Variants in TANGO2 observed in about 807,000 individuals in gnomAD.
TANGO2 encodes transport and Golgi organization protein 2 homolog.
Under a neutral mutation model 39.1 loss-of-function variants are expected in TANGO2, and 26 were observed. The observed-to-expected ratio is 0.67, with a 90% CI of 0.49 to 0.92. TANGO2 has a LOEUF of 0.92. TANGO2 is among the 40% of genes least tolerant of loss of function. The pLI is 0.00. For synonymous variants in TANGO2, 131 were observed against 144.5 expected (o/e 0.91, Z 0.67); for missense variants, 326 against 360.1 (o/e 0.91, Z 0.77).
At chr22:20,059,976 G>C (rs952358538) in intron 6 of TANGO2, among the ~76,000 whole-genome samples, 2 of 149,080 alleles carry the variant, frequency 1.3e-5, no homozygotes, top group African/African-American at 4.9e-5. Context: ...TTTTTTTTGA[G>C]ACAGGGTCTG....
chr22:20,040,771 G>A (rs2043753926), intron 2 of TANGO2, among the ~76,000 whole-genome samples: 1 of 152,214 alleles, frequency 6.6e-6, no homozygotes, highest in African/African-American at 2.4e-5. Context: ...GCAGAGGTTG[G>A]GGGGCACTTC....
chr22:20,033,811 C>T (rs564616781), intron 1 of TANGO2, among the ~76,000 whole-genome samples: 32 of 152,364 alleles, frequency 2.1e-4, no homozygotes, highest in Admixed American at 4.6e-4. Context: ...GCACTGCATT[C>T]GGGATGGTTC....
At position 20,053,530 on chromosome 22, in the gene TANGO2, A is replaced by G. The variant is rs1406010643; in HGVS notation, c.359A>G (p.Asn120Ser). ...GAGGGCCATCTGTACAATGGCTTCAACCTCATAGCAGCCGACCTGAGGTGG... is the reference window on the plus strand; with the variant it reads ...GAGGGCCATCTGTACAATGGCTTCAGCCTCATAGCAGCCGACCTGAGGTGG... ...SMEGHLYNGF[N>S]LIAADLSTAK... Residue 120 changes from asparagine to serine, a missense_variant, in exon 5 of 9, where the codon AAC (asparagine) becomes AGC (serine). Physicochemically the swap from Asn to Ser is conservative, Grantham distance 46 (BLOSUM62 1). Coordinates refer to ENST00000327374, the MANE Select transcript of TANGO2 (RefSeq NM_152906.7). 4.3e-6 allele frequency: 7 copies of G among 1,613,220 alleles called. No individual in the cohort carries two copies. The highest frequency in any genetic ancestry group is 1.7e-5 in the Admixed American group (1 of 59,996).
In TANGO2 at chr22:20,057,459, C is replaced by G. The variant is rs957301845; in HGVS notation, c.451+1446C>G. ...GCCCCCACGCCTACCAGCTGGTGCC[C>G]TCTCCTCCACCTGGGGCTTATCCTT... On this transcript the variant is annotated intron_variant, in intron 6 of 8. Transcript: ENST00000327374. This position sits in a 1 kb window ranked among gnomAD's most constrained non-coding sequence, Gnocchi z 4.1. Among the ~76,000 whole-genome samples the G allele has an allele frequency of 3.3e-5, 5 of 152,202 alleles. No individual in the cohort carries two copies. Among genetic ancestry groups the G allele is most frequent in the African/African-American group, 1.2e-4 (5 of 41,460 alleles).
rs1311608232 is a variant in TANGO2, at chr22:20,057,139, C to G, written c.451+1126C>G. 2 of 365,828 alleles carry G rather than the reference C, an allele frequency of 5.5e-6. No individual in the cohort carries two copies. The highest frequency in any genetic ancestry group is 1.1e-5 in the Non-Finnish European group (2 of 183,472). 22.7% of individuals were successfully genotyped at this position (365,828 alleles called of 1,614,324 possible). A position where few individuals can be genotyped will look rare whatever the true frequency, so the allele number is the denominator to read the frequency against. On this transcript the variant is annotated intron_variant, in intron 6 of 8. Coordinates refer to ENST00000327374, the MANE Select transcript of TANGO2 (RefSeq NM_152906.7). The surrounding 1 kb of genome is among the most constrained non-coding windows in gnomAD (Gnocchi z 4.1). ...GGTGGAACTGAAGCCCCAGGCGTCC[C>G]TGGAGGGGCCCGAGGGAGATGATAA...
Position 20,052,760 on chromosome 22 carries a change from A to T in TANGO2, c.265+176A>T, listed in dbSNP as rs1317483909. 2.0e-5 allele frequency among the ~76,000 whole-genome samples: 3 copies of T among 152,108 alleles called. No homozygotes were observed. In the East Asian group the frequency reaches 5.8e-4, roughly 29 times the overall value. On this transcript the variant is annotated intron_variant, in intron 4 of 8. Coordinates refer to ENST00000327374, the MANE Select transcript of TANGO2 (RefSeq NM_152906.7). ...GAGTGGGATGGGGCAGGGCTGAGGT[A>T]CCGTGGGGCAGGGCCAGGTTACAGA...
chr22:20,030,712 G>A (rs1007141489), intron 1 of TANGO2, among the ~76,000 whole-genome samples: 8 of 151,930 alleles, frequency 5.3e-5, no homozygotes, highest in African/African-American at 1.9e-4. Flanking sequence ...TGATCCACCC[G>A]CCTTGGCTTC....
intron 1 of TANGO2, among the ~76,000 whole-genome samples, chr22:20,024,893 C>T (rs1213268069): frequency 6.6e-6 from 1 of 152,092 alleles, no homozygotes. Context: ...AGCCCAGCTA[C>T]ACCCCGTCCT....
At chr22:20,031,882 G>A (rs973708978) in intron 1 of TANGO2, among the ~76,000 whole-genome samples, 11 of 152,232 alleles carry the variant, frequency 7.2e-5, no homozygotes, top group Admixed American at 5.9e-4. Flanking sequence ...CTGCCAGGCC[G>A]TGGGTGCAGG....
At chr22:20,036,665 A>G in intron 1 of TANGO2, 95 bp from the exon 2 acceptor site, 2 of 1,058,492 alleles carry the variant, frequency 1.9e-6, no homozygotes, top group Non-Finnish European at 2.9e-6. Flanking sequence ...CAGACACCAC[A>G]GAGGTGGTTC....
chr22:20,061,191 C>A (rs557711561), intron 6 of TANGO2: 5 of 194,694 alleles, frequency 2.6e-5, no homozygotes, highest in Non-Finnish European at 5.2e-5. Context: ...CCCAACCTGG[C>A]GTGAGGTGAA....
Position 20,036,862 on chromosome 22 carries a change from C to G in TANGO2, c.56+8C>G. ...TTCCAAAAACGCGTACAGGTAACCC[C>G]CTCGCTCTGCATCTGCTGCGCCCTG... On this transcript the variant is annotated splice_region_variant and intron_variant, in intron 2 of 8. Transcript: ENST00000327374. The G allele has an allele frequency of 6.2e-7, 1 of 1,614,244 alleles. No individual in the cohort carries two copies. The highest frequency in any genetic ancestry group is 8.5e-7 in the Non-Finnish European group (1 of 1,180,044).
intron 3 of TANGO2, among the ~76,000 whole-genome samples, chr22:20,049,305 A>G (rs979610613): frequency 3.3e-5 from 5 of 152,154 alleles, no homozygotes; most frequent in Non-Finnish European, 5.9e-5. Context: ...TATCCCATTG[A>G]TCTATGTATC....
intron 1 of TANGO2, among the ~76,000 whole-genome samples, chr22:20,036,214 G>A (rs548178580): frequency 6.6e-6 from 1 of 152,268 alleles, no homozygotes; most frequent in South Asian, 2.1e-4. Flanking sequence ...GCGACGTCCG[G>A]GAAAATTGTG....
chr22:20,039,100 ATT>A (rs11361191), intron 2 of TANGO2, among the ~76,000 whole-genome samples: 43 of 144,468 alleles, frequency 3.0e-4, no homozygotes, highest in Admixed American at 4.8e-4. Flanking sequence ...TGCCCGGCTA[ATT>A]TTTTTTTTTT....
rs1424339303 is a variant in TANGO2 at position 20,063,372 on chromosome 22, G to C, written c.640G>C (p.Gly214Arg). 3 of 1,613,526 alleles carry C rather than the reference G, an allele frequency of 1.9e-6. No individual in the cohort carries two copies. Among genetic ancestry groups the C allele is most frequent in the Non-Finnish European group, 2.5e-6 (3 of 1,179,912 alleles). Residue 214 changes from glycine to arginine, a missense_variant, in exon 8 of 9, where the codon GGG (glycine) becomes CGG (arginine). Transcript: ENST00000327374. ...LPDPAIEDQG[G>R]EYVQPMLSKY... ...AGACCCGGCCATCGAGGACCAGGGT[G>C]GGGAGTACGTGCAGCCCATGCTGAG...
upstream of TANGO2, chr22:20,017,037 C>T (rs1945233867): frequency 6.6e-6 from 1 of 152,236 alleles, no homozygotes; most frequent in African/African-American, 2.4e-5. Flanking sequence ...GCCCGAACCT[C>T]TGCGGCGGCG....
intron 5 of TANGO2, chr22:20,054,757 G>A (rs539725749): frequency 6.5e-6 from 1 of 152,842 alleles, no homozygotes; most frequent in South Asian, 2.1e-4. Flanking sequence ...AGGTGCAGAT[G>A]AGGAAGCCAA....
chr22:20,027,493 C>T (rs5748505), intron 1 of TANGO2, among the ~76,000 whole-genome samples: 59,748 of 152,064 alleles, frequency 0.39, 12,100 homozygotes, highest in African/African-American at 0.49. Context: ...TCAGGGAGAA[C>T]GGAGCAATGG....
Sources: gnomAD v4.1 joint callset for allele counts (sites outside exome capture counted in the v4.1 genomes callset) on GRCh38, gnomAD v4.1.1 for gene constraint, Gnocchi (gnomAD v3.1) non-coding constraint, MANE v1.5 for transcripts, NCBI Gene and HGNC (gene_info 2026-07-23, HGNC 2026-07-21) for gene names.